The following CEP97 variants were observed in gnomAD, a reference collection of about 807,000 sequenced individuals.
CEP97 encodes the protein centrosomal protein 97.
In CEP97, 43 loss-of-function variants were observed where a neutral mutation model predicts 73.1. The observed-to-expected ratio is 0.59, with a 90% CI of 0.46 to 0.76. The LOEUF is 0.76. CEP97 is among the 30% of genes least tolerant of loss of function. The pLI, the probability that CEP97 is intolerant of heterozygous loss-of-function variation, is 0.00. For missense variants in CEP97, 939 were observed against 1,014.0 expected, an observed-to-expected ratio of 0.93 and a Z score of 1.00; for synonymous variants, 337 against 370.0, an observed-to-expected ratio of 0.91 and a Z score of 1.02.
At chr3:101,729,115 G>C (rs536095335) in intron 4 of CEP97, among the ~76,000 whole-genome samples, 178 bp downstream of exon 4, 1 of 152,102 alleles carries the variant, frequency 6.6e-6, no homozygotes, top group Non-Finnish European at 1.5e-5. Flanking sequence ...AGGCTGAGGC[G>C]AGTGGATGGC....
intron 4 of CEP97, among the ~76,000 whole-genome samples, chr3:101,730,512 C>G (rs1418577289): frequency 6.6e-6 from 1 of 151,744 alleles, no homozygotes; most frequent in Non-Finnish European, 1.5e-5. Flanking sequence ...GATCCACCCG[C>G]CTCGGCCTCC....
rs1041216863 is a variant in CEP97 at position 101,725,881 on chromosome 3, T to G, written c.44-713T>G. On this transcript the variant is annotated intron_variant, in intron 1 of 10. Transcript: ENST00000341893. ...TTCTCAGTCCTTTTTTTTTTTGTTTTTTTTTTTACATTATCTCATTTTCTC... is the reference window on the plus strand; with the variant it reads ...TTCTCAGTCCTTTTTTTTTTTGTTTGTTTTTTTACATTATCTCATTTTCTC... Among the ~76,000 whole-genome samples, 14 of 151,942 alleles carry G rather than the reference T, an allele frequency of 9.2e-5. 1 individual carries two copies. Among genetic ancestry groups the G allele is most frequent in the African/African-American group, 3.4e-4 (14 of 41,462 alleles).
At position 101,755,369 on chromosome 3, in the gene CEP97, C is replaced by T. The variant is rs1938974381; in HGVS notation, c.729-61C>T. ...AGTTAACAAGGAAGATCATTGTTGC[C>T]TGACAATGTGTGTTGACTATTCTCA... On this transcript the variant is annotated intron_variant, in intron 6 of 10. Transcript: ENST00000341893. 6.5e-6 allele frequency: 9 copies of T among 1,393,702 alleles called. No homozygotes were observed. The South Asian group carries it at 9.6e-5, about 15-fold the overall frequency. The allele number at this position is 1,393,702 out of a possible 1,614,324, so 86.3% of individuals were successfully genotyped here.
intron 7 of CEP97, 108 bp from the exon 8 acceptor site, chr3:101,756,955 C>T: frequency 2.0e-6 from 2 of 1,024,368 alleles, no homozygotes; most frequent in Non-Finnish European, 2.8e-6. Context: ...AAAGTACCTA[C>T]TTTGAGAACT....
At position 101,765,122 on chromosome 3, in the gene CEP97, T is replaced by G; in HGVS notation, c.2169T>G (p.Ser723Arg). 1 of 1,614,192 alleles carries G rather than the reference T, an allele frequency of 6.2e-7. No homozygotes were observed. Among genetic ancestry groups the G allele is most frequent in the Non-Finnish European group, 8.5e-7 (1 of 1,180,038 alleles). ...AGCATTCTTTGGATTTTGAGAAAAG[T>G]TCCACAGAAGGCAGTGAAAGCTCCA... ...SLQHSLDFEK[S>R]STEGSESSIM... Residue 723 changes from serine to arginine, a missense_variant, in exon 11 of 11, where the codon AGT (serine) becomes AGG (arginine). By Grantham distance (110) the Ser-to-Arg change is moderately radical. Coordinates refer to ENST00000341893, the MANE Select transcript of CEP97 (RefSeq NM_024548.4).
At chr3:101,752,767 G>A (rs1291297754) in intron 6 of CEP97, among the ~76,000 whole-genome samples, 2 of 152,086 alleles carry the variant, frequency 1.3e-5, no homozygotes, top group East Asian at 3.8e-4. Context: ...GCACTTCTCT[G>A]TATTGATTAT....
intron 10 of CEP97, 145 bp from the exon 11 acceptor site, chr3:101,764,702 G>A: frequency 1.6e-6 from 1 of 615,036 alleles, no homozygotes. Context: ...AGGATCACTT[G>A]AGCCCAGGAG....
chr3:101,762,827 C>A (rs1187043894), intron 10 of CEP97, among the ~76,000 whole-genome samples: 6 of 152,144 alleles, frequency 3.9e-5, no homozygotes, highest in Non-Finnish European at 4.4e-5. Context: ...GCTGTTAGAG[C>A]TTTCCAATAG....
At chr3:101,738,258 T>C (rs1042006378) in intron 6 of CEP97, among the ~76,000 whole-genome samples, 1 of 152,166 alleles carries the variant, frequency 6.6e-6, no homozygotes, top group African/African-American at 2.4e-5. Context: ...TGGGAGACTT[T>C]AACACCCCAC....
At chr3:101,752,200 A>C (rs1174674577) in intron 6 of CEP97, among the ~76,000 whole-genome samples, 1 of 152,150 alleles carries the variant, frequency 6.6e-6, no homozygotes, top group African/African-American at 2.4e-5. Flanking sequence ...TCTTTTCTTT[A>C]AGAATGTTGA....
intron 6 of CEP97, among the ~76,000 whole-genome samples, chr3:101,741,210 C>T (rs998745397): frequency 2.0e-5 from 3 of 152,130 alleles, no homozygotes; most frequent in Non-Finnish European, 4.4e-5. Context: ...AACTGGCTAG[C>T]CATATGCAGA....
At chr3:101,748,486 A>G (rs914577482) in intron 6 of CEP97, among the ~76,000 whole-genome samples, 3 of 152,178 alleles carry the variant, frequency 2.0e-5, no homozygotes, top group Non-Finnish European at 2.9e-5. Flanking sequence ...GCTGAGAAAT[A>G]TTAAAGTTGG....
At position 101,757,719 on chromosome 3, in the gene CEP97, T is replaced by C. The variant is rs762637357; in HGVS notation, c.1113T>C (p.Ser371=). 4 of 1,614,114 alleles carry C rather than the reference T, an allele frequency of 2.5e-6. No homozygotes were observed. The African/African-American group carries it at 5.3e-5, about 22-fold the overall frequency. The change falls in exon 9 of 11, where the codon TCT becomes TCC. Residue 371 remains serine, a synonymous_variant. Transcript: ENST00000341893. Reference sequence around the variant, plus strand: ...CGGTTAAGAATAATTTTCCAGCCTCTGTACACACTACGAGATATTCTCGAA... The same window carrying C: ...CGGTTAAGAATAATTTTCCAGCCTCCGTACACACTACGAGATATTCTCGAA... ...LFAVKNNFPA[S]VHTTRYSRND... is the part of the protein sequence containing the mutation.
chr3:101,764,042 T>C (rs1275399724), intron 10 of CEP97, among the ~76,000 whole-genome samples: 1 of 152,218 alleles, frequency 6.6e-6, no homozygotes, highest in African/African-American at 2.4e-5. Context: ...CAGGGACATG[T>C]ACCATTTGTG....
chr3:101,750,237 T>C (rs1938763683), intron 6 of CEP97, among the ~76,000 whole-genome samples: 1 of 147,488 alleles, frequency 6.8e-6, no homozygotes, highest in Admixed American at 6.8e-5. Flanking sequence ...CCCAGCACCA[T>C]TTATTAAATA....
chr3:101,743,396 AT>A (rs1388908821), intron 6 of CEP97, among the ~76,000 whole-genome samples: 6 of 151,706 alleles, frequency 4.0e-5, no homozygotes, highest in African/African-American at 9.7e-5. Context: ...CCTAGAAAAA[AT>A]ATATATATAT....
At chr3:101,745,059 T>G (rs1054709227) in intron 6 of CEP97, among the ~76,000 whole-genome samples, 1 of 152,190 alleles carries the variant, frequency 6.6e-6, no homozygotes, top group Non-Finnish European at 1.5e-5. Context: ...AGCGTACCTG[T>G]GGAGAGACAA....
At chr3:101,736,516 C>G (rs939226765) in intron 6 of CEP97, among the ~76,000 whole-genome samples, 1 of 152,214 alleles carries the variant, frequency 6.6e-6, no homozygotes, top group South Asian at 2.1e-4. Flanking sequence ...AGGCAGCAAT[C>G]TTTGCTGTTC....
chr3:101,730,574 ATTTT>A (rs11293857), intron 4 of CEP97, among the ~76,000 whole-genome samples: 1 of 144,486 alleles, frequency 6.9e-6, no homozygotes. Flanking sequence ...CCAAGTCTGG[ATTTT>A]TTTTTTTTTT....
Sources: gnomAD v4.1 joint callset for allele counts (sites outside exome capture counted in the v4.1 genomes callset) on GRCh38, gnomAD v4.1.1 for gene constraint, MANE v1.5 for transcripts, NCBI Gene and HGNC (gene_info 2026-07-23, HGNC 2026-07-21) for gene names.